ELMO1: variants seen among roughly 807,000 people sequenced by gnomAD.
ELMO1 encodes engulfment and cell motility protein 1.
Under a neutral mutation model 98.9 loss-of-function variants are expected in ELMO1, and 26 were observed. The observed-to-expected ratio is 0.26, with a 90% CI of 0.19 to 0.36. ELMO1 has a LOEUF of 0.36. Ranked by LOEUF, ELMO1 falls within the 10% of genes least tolerant of loss-of-function variation. ELMO1 has a pLI of 1.00. For missense variants in ELMO1, 627 were observed against 935.2 expected (o/e 0.67, Z 4.30); for synonymous variants, 346 against 346.0 (o/e 1.00, Z 0.00).
At chr7:37,443,190 C>G (rs994500408) in intron 1 of ELMO1, among the ~76,000 whole-genome samples, 2 of 152,198 alleles carry the variant, frequency 1.3e-5, no homozygotes, top group African/African-American at 4.8e-5. Flanking sequence ...CATTCCCTAT[C>G]CAGAGTACAA....
At chr7:36,887,921 C>T (rs1026662072) in intron 17 of ELMO1, among the ~76,000 whole-genome samples, 3 of 152,172 alleles carry the variant, frequency 2.0e-5, no homozygotes, top group African/African-American at 7.2e-5. Flanking sequence ...TGATGTTTTT[C>T]CAGAGCAAAG....
intron 10 of ELMO1, among the ~76,000 whole-genome samples, chr7:37,217,332 A>G (rs536843170): frequency 6.6e-6 from 1 of 152,322 alleles, no homozygotes; most frequent in East Asian, 1.9e-4. Context: ...ATTAAAGGAA[A>G]TGATGCACAG....
chr7:37,444,891 G>A (rs1805546899), intron 1 of ELMO1, among the ~76,000 whole-genome samples: 1 of 152,344 alleles, frequency 6.6e-6, no homozygotes, highest in East Asian at 1.9e-4. Context: ...AGCATCTCCT[G>A]CAGGGGGTTA....
intron 2 of ELMO1, among the ~76,000 whole-genome samples, chr7:37,327,560 C>T (rs184599874): frequency 3.3e-4 from 50 of 152,292 alleles, no homozygotes; most frequent in Admixed American, 2.9e-3. Flanking sequence ...CTGAAAGGAA[C>T]AAGTGACCAA....
intron 16 of ELMO1, among the ~76,000 whole-genome samples, chr7:36,988,788 C>G (rs550856457): frequency 3.9e-5 from 6 of 152,220 alleles, no homozygotes; most frequent in South Asian, 4.1e-4. Flanking sequence ...GTGAGAATGA[C>G]TGGGAGGATG....
chr7:36,877,365 G>C (rs1804066772), intron 19 of ELMO1, among the ~76,000 whole-genome samples: 1 of 151,988 alleles, frequency 6.6e-6, no homozygotes, highest in African/African-American at 2.4e-5. Flanking sequence ...AATTTGTATT[G>C]TTAACACTGT....
intron 13 of ELMO1, among the ~76,000 whole-genome samples, chr7:37,183,559 A>T (rs1791013612): frequency 3.5e-5 from 2 of 56,474 alleles, no homozygotes; most frequent in Admixed American, 3.6e-4. Context: ...AGGACCCAGA[A>T]GAGAGAGAGA....
At chr7:37,051,041 G>A (rs888642452) in intron 15 of ELMO1, among the ~76,000 whole-genome samples, 4 of 152,158 alleles carry the variant, frequency 2.6e-5, no homozygotes, top group African/African-American at 7.2e-5. Flanking sequence ...TTTCTTTGAC[G>A]TGTTCAGCTT....
At chr7:36,986,206 G>A in intron 16 of ELMO1, 1 of 984,402 alleles carries the variant, frequency 1.0e-6, no homozygotes, top group Non-Finnish European at 1.2e-6. Flanking sequence ...GGCAGGAGTC[G>A]GGGAAAGATC....
chr7:37,299,510 C>A lies in ELMO1; in HGVS notation c.192+15340G>T, dbSNP rs1365152166. ...ATATGGCTAGCCAGTTTTCCCAGCACCATTTATTAAATAGGGAATCCTTTC... is the reference window on the plus strand; with the variant it reads ...ATATGGCTAGCCAGTTTTCCCAGCAACATTTATTAAATAGGGAATCCTTTC... On this transcript the variant is annotated intron_variant, in intron 4 of 21. Coordinates refer to ENST00000310758, the MANE Select transcript of ELMO1 (RefSeq NM_014800.11). Among the ~76,000 whole-genome samples, 67 of 54,964 alleles carry A rather than the reference C, an allele frequency of 1.2e-3. 1 individual carries two copies. Among genetic ancestry groups the A allele is most frequent in the African/African-American group, 3.5e-3 (63 of 18,196 alleles). The allele number at this position is 54,964 out of a possible 152,430, so 36.1% of individuals were successfully genotyped here. A position where few individuals can be genotyped will look rare whatever the true frequency, so the allele number is the denominator to read the frequency against.
intron 5 of ELMO1, among the ~76,000 whole-genome samples, chr7:37,261,977 A>G (rs2130806809): frequency 6.6e-6 from 1 of 152,322 alleles, no homozygotes; most frequent in South Asian, 2.1e-4. Flanking sequence ...CAGTACCTAA[A>G]GAAAATGTGC....
chr7:37,254,365 T>A (rs1308137863), intron 6 of ELMO1, among the ~76,000 whole-genome samples: 2 of 152,214 alleles, frequency 1.3e-5, no homozygotes, highest in African/African-American at 4.8e-5. Context: ...GCTGTATGTA[T>A]CAAACTGGGA....
At chr7:37,419,120 T>C (rs776034215) in intron 1 of ELMO1, among the ~76,000 whole-genome samples, 72 of 152,230 alleles carry the variant, frequency 4.7e-4, no homozygotes, top group Non-Finnish European at 8.1e-4. Flanking sequence ...TCTGACCCAA[T>C]GTGGACTTCT....
At chr7:36,974,770 C>CT (rs1734583890) in intron 16 of ELMO1, among the ~76,000 whole-genome samples, 1 of 152,228 alleles carries the variant, frequency 6.6e-6, no homozygotes, top group Admixed American at 6.5e-5. Flanking sequence ...ACTGCTCACT[C>CT]TTTAGGTCCA....
intron 4 of ELMO1, among the ~76,000 whole-genome samples, chr7:37,276,392 A>C (rs948257777): frequency 5.9e-5 from 9 of 152,156 alleles, no homozygotes; most frequent in African/African-American, 1.9e-4. Flanking sequence ...GCAGATCACG[A>C]GGTCAGGAGA....
intron 12 of ELMO1, among the ~76,000 whole-genome samples, chr7:37,212,841 G>C (rs1404587730): frequency 6.6e-6 from 1 of 152,116 alleles, no homozygotes; most frequent in Non-Finnish European, 1.5e-5. Context: ...TGCACAACAA[G>C]AGACCCAGCA....
At chr7:37,388,636 A>AC (rs1371492911) in intron 1 of ELMO1, among the ~76,000 whole-genome samples, 3 of 151,684 alleles carry the variant, frequency 2.0e-5, no homozygotes, top group African/African-American at 4.8e-5. Context: ...AAAAAAAAAA[A>AC]ACACACAAAA....
chr7:36,899,008 C>T (rs1035683045), intron 16 of ELMO1, among the ~76,000 whole-genome samples: 8 of 152,132 alleles, frequency 5.3e-5, no homozygotes, highest in African/African-American at 1.4e-4. Context: ...CACATGCAGA[C>T]AGGCTGAGGT....
At chr7:37,077,536 A>G (rs1158909224) in intron 15 of ELMO1, among the ~76,000 whole-genome samples, 2 of 152,228 alleles carry the variant, frequency 1.3e-5, no homozygotes. Context: ...TGCAGGATGA[A>G]GCAGGGGCGG....
Sources: gnomAD v4.1 joint callset for allele counts (sites outside exome capture counted in the v4.1 genomes callset) on GRCh38, gnomAD v4.1.1 for gene constraint, MANE v1.5 for transcripts, NCBI Gene and HGNC (gene_info 2026-07-23, HGNC 2026-07-21) for gene names.